ULK4: variants seen among roughly 807,000 people sequenced by gnomAD.
The protein encoded by ULK4 is unc-51 like kinase 4.
In ULK4, 133 loss-of-function variants were observed where a neutral mutation model predicts 160.6. The observed-to-expected ratio is 0.83, with a 90% CI of 0.72 to 0.96. The LOEUF (loss-of-function observed/expected upper bound fraction) is 0.96, where lower values mean the gene tolerates loss of function less well. ULK4 is among the 40% of genes least tolerant of loss of function. The probability of loss-of-function intolerance (pLI) is 0.00; values close to 1 mark genes in which losing one functional copy is unlikely to be tolerated. For missense variants in ULK4, 1,580 were observed against 1,499.5 expected, an observed-to-expected ratio of 1.05 and a Z score of -0.89; for synonymous variants, 534 against 539.8, an observed-to-expected ratio of 0.99 and a Z score of 0.15.
intron 18 of ULK4, among the ~76,000 whole-genome samples, chr3:41,831,441 T>C (rs2125647385): frequency 6.8e-6 from 1 of 147,756 alleles, no homozygotes; most frequent in Admixed American, 6.7e-5. Flanking sequence ...TTAATGGTGG[T>C]ATCATCACTT....
intron 22 of ULK4, among the ~76,000 whole-genome samples, chr3:41,747,331 C>G (rs1173959168): frequency 6.6e-6 from 1 of 151,896 alleles, no homozygotes; most frequent in East Asian, 1.9e-4. Flanking sequence ...TTCACATTGG[C>G]TCCTGCATTC....
intron 35 of ULK4, among the ~76,000 whole-genome samples, chr3:41,328,181 A>G (rs370637533): frequency 2.2e-4 from 34 of 152,312 alleles, no homozygotes; most frequent in Admixed American, 9.2e-4. Context: ...CCTGTCGAAC[A>G]TTATGGGGAG....
intron 21 of ULK4, among the ~76,000 whole-genome samples, chr3:41,782,935 A>G (rs1482312285): frequency 6.6e-6 from 1 of 152,156 alleles, no homozygotes; most frequent in Non-Finnish European, 1.5e-5. Flanking sequence ...GAAGAGTTGC[A>G]TAAATTGACT....
chr3:41,618,017 T>C (rs1269247307), intron 30 of ULK4, among the ~76,000 whole-genome samples: 4 of 151,934 alleles, frequency 2.6e-5, no homozygotes, highest in African/African-American at 9.7e-5. Context: ...TGGAAGAAAG[T>C]ATATCAGAGA....
At chr3:41,304,458 G>A (rs1225017155) in intron 35 of ULK4, among the ~76,000 whole-genome samples, 1 of 152,150 alleles carries the variant, frequency 6.6e-6, no homozygotes, top group East Asian at 1.9e-4. Context: ...GGGACATGTT[G>A]ACTTAGAAGA....
intron 27 of ULK4, among the ~76,000 whole-genome samples, chr3:41,704,779 G>T (rs1160386912): frequency 1.3e-5 from 2 of 152,062 alleles, no homozygotes; most frequent in East Asian, 3.9e-4. Context: ...TGCACTGAAG[G>T]TTTGTACTAC....
intron 31 of ULK4, among the ~76,000 whole-genome samples, chr3:41,615,058 A>G (rs543959760): frequency 6.6e-6 from 1 of 152,320 alleles, no homozygotes; most frequent in Admixed American, 6.5e-5. Flanking sequence ...ATAGATCTGT[A>G]TTTGGTATAA....
intron 35 of ULK4, among the ~76,000 whole-genome samples, chr3:41,387,854 A>G (rs1478871302): frequency 6.6e-6 from 1 of 152,214 alleles, no homozygotes; most frequent in South Asian, 2.1e-4. Context: ...GTGTCTTCAT[A>G]GCAGCATGAT....
chr3:41,374,676 A>G (rs1204553804), intron 35 of ULK4, among the ~76,000 whole-genome samples: 4 of 152,198 alleles, frequency 2.6e-5, no homozygotes, highest in Admixed American at 6.5e-5. Flanking sequence ...CCCACAGCCA[A>G]TATTACACTG....
intron 18 of ULK4, among the ~76,000 whole-genome samples, chr3:41,821,586 T>C (rs527521875): frequency 3.3e-5 from 5 of 152,336 alleles, no homozygotes; most frequent in Admixed American, 2.6e-4. Flanking sequence ...TCCTCCCTTC[T>C]TCAGGGTCAT....
intron 20 of ULK4, among the ~76,000 whole-genome samples, chr3:41,792,480 T>C (rs2040180897): frequency 1.3e-5 from 2 of 152,186 alleles, no homozygotes; most frequent in African/African-American, 2.4e-5. Flanking sequence ...TAGGATTCAA[T>C]GACTTCAACA....
chr3:41,411,862 A>C (rs1285892256), intron 34 of ULK4, among the ~76,000 whole-genome samples: 1 of 152,040 alleles, frequency 6.6e-6, no homozygotes, highest in African/African-American at 2.4e-5. Context: ...GTTGTGTAGG[A>C]GACTGAATGC....
chr3:41,708,177 C>CATATATATATATAT (rs151064663), intron 25 of ULK4, among the ~76,000 whole-genome samples: 15 of 149,936 alleles, frequency 1.0e-4, no homozygotes, highest in African/African-American at 1.5e-4. Context: ...AATACATATA[C>CATATATATATATAT]ATATATATAT....
At chr3:41,598,828 T>C (rs2031867450) in intron 31 of ULK4, among the ~76,000 whole-genome samples, 1 of 152,224 alleles carries the variant, frequency 6.6e-6, no homozygotes, top group Admixed American at 6.5e-5. Flanking sequence ...TAACAAATTA[T>C]CACAGACGTT....
At chr3:41,706,849 A>ATGTG (rs749756575) in intron 25 of ULK4, among the ~76,000 whole-genome samples, 2,130 of 102,294 alleles carry the variant, frequency 0.021, 32 homozygotes, top group African/African-American at 0.037. Flanking sequence ...AAAAAAAAAT[A>ATGTG]TGTGTGTGTG....
intron 21 of ULK4, among the ~76,000 whole-genome samples, chr3:41,764,137 A>C (rs2039080186): frequency 6.6e-6 from 1 of 152,216 alleles, no homozygotes; most frequent in Non-Finnish European, 1.5e-5. Flanking sequence ...AAACTGAGAA[A>C]ATGAAAAAGT....
intron 31 of ULK4, among the ~76,000 whole-genome samples, chr3:41,569,525 T>C (rs755050290): frequency 1.3e-5 from 2 of 152,106 alleles, no homozygotes; most frequent in Non-Finnish European, 2.9e-5. Context: ...AACAAAACAC[T>C]TCTACTCAGG....
At chr3:41,602,546 A>C (rs1271090413) in intron 31 of ULK4, among the ~76,000 whole-genome samples, 1 of 152,164 alleles carries the variant, frequency 6.6e-6, no homozygotes, top group Non-Finnish European at 1.5e-5. Flanking sequence ...CAATGGAGAA[A>C]CTAGGTAAGA....
intron 29 of ULK4, among the ~76,000 whole-genome samples, chr3:41,666,961 C>T (rs749274358): frequency 2.0e-5 from 3 of 151,890 alleles, no homozygotes; most frequent in Non-Finnish European, 2.9e-5. Context: ...TGGACAACAT[C>T]GTGAGACCCT....
Sources: gnomAD v4.1 joint callset for allele counts (sites outside exome capture counted in the v4.1 genomes callset) on GRCh38, gnomAD v4.1.1 for gene constraint, MANE v1.5 for transcripts, NCBI Gene and HGNC (gene_info 2026-07-23, HGNC 2026-07-21) for gene names.